The following CAMK4 variants were observed in gnomAD, a reference collection of about 807,000 sequenced individuals.
The protein encoded by CAMK4 is calcium/calmodulin-dependent protein kinase type IV.
In CAMK4, 22 loss-of-function variants were observed where a neutral mutation model predicts 44.9. The observed-to-expected ratio is 0.49, with a 90% confidence interval of 0.35 to 0.70. The LOEUF (loss-of-function observed/expected upper bound fraction) is 0.70, where lower values mean the gene tolerates loss of function less well. Ranked by LOEUF, CAMK4 falls within the 30% of genes least tolerant of loss-of-function variation. The probability of loss-of-function intolerance (pLI) is 0.01; values close to 1 mark genes in which losing one functional copy is unlikely to be tolerated. For missense variants in CAMK4, 498 were observed against 586.8 expected (o/e 0.85, Z 1.56); for synonymous variants, 218 against 215.4 (o/e 1.01, Z -0.11).
intron 2 of CAMK4, among the ~76,000 whole-genome samples, chr5:111,360,949 T>C (rs545285811): frequency 2.0e-4 from 31 of 152,208 alleles, no homozygotes; most frequent in African/African-American, 7.2e-4. Flanking sequence ...AGTATGATTA[T>C]ATTATTTTTT....
intron 5 of CAMK4, among the ~76,000 whole-genome samples, chr5:111,436,501 A>G (rs1234869918): frequency 6.6e-6 from 1 of 152,120 alleles, no homozygotes; most frequent in African/African-American, 2.4e-5. Context: ...CCCAGCAAGT[A>G]TTTTCCAGCA....
intron 1 of CAMK4, among the ~76,000 whole-genome samples, chr5:111,260,387 A>G (rs1197914400): frequency 6.6e-6 from 1 of 152,198 alleles, no homozygotes; most frequent in East Asian, 1.9e-4. Context: ...GTCCGCTGGT[A>G]AAATCTCCTG....
chr5:111,262,526 A>G (rs545339911), intron 1 of CAMK4, among the ~76,000 whole-genome samples: 132 of 152,348 alleles, frequency 8.7e-4, no homozygotes, highest in Middle Eastern at 3.4e-3. Context: ...AAGGAAACAC[A>G]TTTTAAAAAG....
intron 1 of CAMK4, among the ~76,000 whole-genome samples, chr5:111,325,023 T>C (rs1475311647): frequency 6.7e-6 from 1 of 150,122 alleles, no homozygotes; most frequent in Non-Finnish European, 1.5e-5. Context: ...CAACAGGCCA[T>C]GGTGAGTGAT....
rs1755716857 is a variant in CAMK4, at chr5:111,488,733, A to T, written c.*4267A>T. The stretch of plus-strand genomic sequence containing the variant: ...GTTTTAGAATTGTTTTTGCAAAGCA[A>T]ATTTTTTTAAAAAAAGGTCAACAAA... On this transcript the variant is annotated 3_prime_UTR_variant, in exon 11 of 11. Coordinates refer to ENST00000282356, the MANE Select transcript of CAMK4 (RefSeq NM_001744.6). The T allele has an allele frequency of 6.6e-6, 1 of 152,226 alleles. No individual in the cohort carries two copies. The highest frequency in any genetic ancestry group is 6.5e-5 in the Admixed American group (1 of 15,268). The allele number at this position is 152,226 out of a possible 1,614,324, so 9.4% of individuals were successfully genotyped here.
intron 4 of CAMK4, among the ~76,000 whole-genome samples, chr5:111,392,618 A>T (rs1314952914): frequency 6.6e-6 from 1 of 152,216 alleles, no homozygotes; most frequent in Non-Finnish European, 1.5e-5. Context: ...GGAAAAGCAC[A>T]TAAAATGGAC....
intron 10 of CAMK4, among the ~76,000 whole-genome samples, 178 bp downstream of exon 10, chr5:111,483,115 C>G (rs1755489296): frequency 6.6e-6 from 1 of 152,106 alleles, no homozygotes; most frequent in Admixed American, 6.6e-5. Context: ...CTTAAGTTTT[C>G]TTATACTCTC....
chr5:111,296,910 T>G (rs935168867), intron 1 of CAMK4, among the ~76,000 whole-genome samples: 1 of 152,216 alleles, frequency 6.6e-6, no homozygotes, highest in Non-Finnish European at 1.5e-5. Flanking sequence ...AAATATGGCA[T>G]GAATCAAGAA....
At chr5:111,384,655 T>A (rs992047102) in intron 4 of CAMK4, among the ~76,000 whole-genome samples, 6 of 152,108 alleles carry the variant, frequency 3.9e-5, no homozygotes, top group Admixed American at 1.3e-4. Context: ...TCCTTTAGAT[T>A]CTCCTTCTCT....
chr5:111,327,903 G>T (rs1298940762), intron 1 of CAMK4, among the ~76,000 whole-genome samples: 64 of 134,188 alleles, frequency 4.8e-4, no homozygotes, highest in African/African-American at 1.8e-3. Flanking sequence ...GTAGATTCTG[G>T]ATATTAGCCC....
intron 5 of CAMK4, among the ~76,000 whole-genome samples, chr5:111,440,860 AAT>A (rs1396006246): frequency 5.3e-5 from 8 of 152,226 alleles, no homozygotes; most frequent in African/African-American, 1.9e-4. Flanking sequence ...AGGATTGCTC[AAT>A]GTGATGTATT....
chr5:111,339,124 T>G (rs1749533860), intron 1 of CAMK4, among the ~76,000 whole-genome samples: 1 of 151,400 alleles, frequency 6.6e-6, no homozygotes, highest in Admixed American at 6.6e-5. Flanking sequence ...ATTTTGCATA[T>G]TAACCCCTTA....
chr5:111,394,944 C>A (rs890083476), intron 5 of CAMK4, among the ~76,000 whole-genome samples, 162 bp downstream of exon 5: 2 of 151,898 alleles, frequency 1.3e-5, no homozygotes, highest in Non-Finnish European at 2.9e-5. Flanking sequence ...CATGGTGGCT[C>A]AAGCCTGTAA....
In CAMK4 at chr5:111,420,369, A is replaced by G. The variant is rs1010416728; in HGVS notation, c.459+25587A>G. Among the ~76,000 whole-genome samples the G allele has an allele frequency of 9.2e-5, 14 of 152,184 alleles. 1 individual carries two copies. The East Asian group carries it at 1.4e-3, about 15-fold the overall frequency. On this transcript the variant is annotated intron_variant, in intron 5 of 10. Transcript: ENST00000282356. ...GACAATGGGGTTTTCTAGATATACA[A>G]TCATGTCATCTGCAAACAGGGACAA...
intron 1 of CAMK4, among the ~76,000 whole-genome samples, chr5:111,295,071 A>AC (rs1317650767): frequency 1.3e-5 from 2 of 152,198 alleles, no homozygotes; most frequent in Non-Finnish European, 2.9e-5. Flanking sequence ...CAAATTAAAA[A>AC]CATATTGCCA....
At chr5:111,334,955 AAAAGTGAAACTCTTTAATAGCTTACGT>A (rs1749335756) in intron 1 of CAMK4, among the ~76,000 whole-genome samples, 1 of 151,514 alleles carries the variant, frequency 6.6e-6, no homozygotes, top group African/African-American at 2.4e-5. Flanking sequence ...ATTTAAAAAA[AAAAGTGAAACTCTTTAATAGCTTACGT>A]GACCTAATAA....
rs1755911603 is a variant in CAMK4, at chr5:111,493,000, C to T, written c.*8534C>T. The T allele has an allele frequency of 6.6e-6, 1 of 152,190 alleles. No individual in the cohort carries two copies. The highest frequency in any genetic ancestry group is 2.4e-5 in the African/African-American group (1 of 41,420). The allele number at this position is 152,190 out of a possible 1,614,324, so 9.4% of individuals were successfully genotyped here. On this transcript the variant is annotated 3_prime_UTR_variant, in exon 11 of 11. Coordinates refer to ENST00000282356, the MANE Select transcript of CAMK4 (RefSeq NM_001744.6). ...GGGAAGAAGTAGGGGGCATGTCTGG[C>T]TGAGAACCGGCCTGATCATAGAGTG... is the stretch of plus-strand genomic sequence containing the variant.
At chr5:111,422,858 C>G (rs1415097305) in intron 5 of CAMK4, among the ~76,000 whole-genome samples, 4 of 152,148 alleles carry the variant, frequency 2.6e-5, no homozygotes, top group Non-Finnish European at 5.9e-5. Context: ...GTTTGTAGCA[C>G]TTACCATGCT....
intron 9 of CAMK4, among the ~76,000 whole-genome samples, chr5:111,480,497 A>G (rs142547560): frequency 2.3e-4 from 35 of 152,270 alleles, no homozygotes; most frequent in Admixed American, 1.0e-3. Context: ...GGGGCAGGAC[A>G]AAGCGTGTGT....
Sources: allele counts gnomAD v4.1 joint callset (sites outside exome capture counted in the v4.1 genomes callset), GRCh38; gene constraint gnomAD v4.1.1; transcripts MANE v1.5; gene names NCBI Gene and HGNC (gene_info 2026-07-23, HGNC 2026-07-21).